The following GARIN2 variants were observed in gnomAD, a reference collection of about 807,000 sequenced individuals.
The protein encoded by GARIN2 is Golgi-associated RAB2 interactor protein 2.
the GARIN2 span, among the ~76,000 whole-genome samples, chr14:67,206,972 C>T: frequency 6.6e-6 from 1 of 152,062 alleles, no homozygotes; most frequent in African/African-American, 2.4e-5. Flanking sequence ...TCAAGTGATC[C>T]ACCCACCTTG....
At chr14:67,192,474 G>A in the GARIN2 span, among the ~76,000 whole-genome samples, 1 of 151,732 alleles carries the variant, frequency 6.6e-6, no homozygotes, top group South Asian at 2.1e-4. Context: ...GGATCAGAGG[G>A]TGGGGTCTGA....
At chr14:67,221,708 T>C in the GARIN2 span, 10 of 1,583,240 alleles carry the variant, frequency 6.3e-6, no homozygotes, top group South Asian at 1.0e-4. Context: ...TTATTTTATA[T>C]CTAGTAGATC....
chr14:67,204,788 A>G, the GARIN2 span: 1 of 1,613,998 alleles, frequency 6.2e-7, no homozygotes, highest in Non-Finnish European at 8.5e-7. Flanking sequence ...GGCTCCATGG[A>G]TGTGACGGAT....
At chr14:67,221,650 G>T in the GARIN2 span, 1 of 1,421,068 alleles carries the variant, frequency 7.0e-7, no homozygotes. Flanking sequence ...GCCTAGGTTT[G>T]CTAAACGTGT....
chr14:67,203,220 G>A, the GARIN2 span: 1 of 1,613,488 alleles, frequency 6.2e-7, no homozygotes, highest in Non-Finnish European at 8.5e-7. Context: ...GACACCTGGT[G>A]CCCAAAAAGA....
chr14:67,206,133 G>A, the GARIN2 span, among the ~76,000 whole-genome samples: 71 of 151,794 alleles, frequency 4.7e-4, no homozygotes, highest in African/African-American at 1.1e-3. Context: ...GCAGTGAGCC[G>A]AGATCATGCC....
At chr14:67,217,445 A>C in the GARIN2 span, among the ~76,000 whole-genome samples, 1 of 152,092 alleles carries the variant, frequency 6.6e-6, no homozygotes, top group African/African-American at 2.4e-5. Flanking sequence ...TACTCATGTC[A>C]TTTTGTTACA....
the GARIN2 span, among the ~76,000 whole-genome samples, chr14:67,192,298 C>T: frequency 1.3e-5 from 2 of 152,144 alleles, no homozygotes; most frequent in Non-Finnish European, 2.9e-5. Flanking sequence ...ATGGAGCTAG[C>T]TCTGTGTTTC....
the GARIN2 span, among the ~76,000 whole-genome samples, chr14:67,217,610 G>C: frequency 1.3e-5 from 2 of 152,068 alleles, no homozygotes; most frequent in African/African-American, 4.8e-5. Context: ...TTGCATGTTT[G>C]CATGATGGTG....
At chr14:67,207,043 A>G in the GARIN2 span, among the ~76,000 whole-genome samples, 1 of 152,168 alleles carries the variant, frequency 6.6e-6, no homozygotes. Flanking sequence ...ATACGCTATA[A>G]TAAATATGTA....
At chr14:67,198,143 A>T in the GARIN2 span, 1 of 1,596,690 alleles carries the variant, frequency 6.3e-7, no homozygotes, top group Admixed American at 1.8e-5. Flanking sequence ...CAGTTTTTTT[A>T]TGTTTATGTG....
the GARIN2 span, among the ~76,000 whole-genome samples, chr14:67,212,284 T>A: frequency 7.2e-5 from 11 of 152,130 alleles, no homozygotes; most frequent in East Asian, 2.1e-3. Flanking sequence ...AAAAAATGTA[T>A]CTTCTTTAAA....
chr14:67,223,695 T>C, the GARIN2 span: 1 of 961,226 alleles, frequency 1.0e-6, no homozygotes. Context: ...TTCTCTTATG[T>C]ATTTCTTATT....
chr14:67,223,976 A>T, the GARIN2 span: 1 of 984,960 alleles, frequency 1.0e-6, no homozygotes, highest in Non-Finnish European at 1.2e-6. Context: ...ATAGGCGGAA[A>T]TCAGAATAAT....
chr14:67,192,996 CTCTA>C, the GARIN2 span, among the ~76,000 whole-genome samples: 1 of 144,340 alleles, frequency 6.9e-6, no homozygotes, highest in African/African-American at 2.5e-5. Context: ...CTCTATATAT[CTCTA>C]TATATCAATA....
chr14:67,200,205 C>A, the GARIN2 span: 1 of 1,115,596 alleles, frequency 9.0e-7, no homozygotes, highest in Non-Finnish European at 1.3e-6. Flanking sequence ...TGATGCCCCC[C>A]ATGGATACAC....
the GARIN2 span, chr14:67,205,090 G>A: frequency 6.5e-7 from 1 of 1,535,698 alleles, no homozygotes; most frequent in Middle Eastern, 1.7e-4. Context: ...AGAGGAGAAG[G>A]TATGTGTCAC....
chr14:67,195,758 T>TGTGTGTG, the GARIN2 span, among the ~76,000 whole-genome samples: 2 of 147,774 alleles, frequency 1.4e-5, no homozygotes, highest in African/African-American at 5.0e-5. Flanking sequence ...TGTGTGTGTG[T>TGTGTGTG]TTTGAGACAG....
chr14:67,206,600 T>C, the GARIN2 span, among the ~76,000 whole-genome samples: 3 of 152,148 alleles, frequency 2.0e-5, no homozygotes, highest in Non-Finnish European at 4.4e-5. Flanking sequence ...AATAAAATGT[T>C]AAGTGAAAAA....
Sources: gnomAD v4.1 joint callset for allele counts (sites outside exome capture counted in the v4.1 genomes callset) on GRCh38, gnomAD v4.1.1 for gene constraint, MANE v1.5 for transcripts, NCBI Gene and HGNC (gene_info 2026-07-23, HGNC 2026-07-21) for gene names.